The following ZDHHC6 variants were observed in gnomAD, a reference collection of about 807,000 sequenced individuals.
The protein encoded by ZDHHC6 is palmitoyltransferase ZDHHC6.
A neutral mutation model predicts 57.8 loss-of-function variants in ZDHHC6; 32 were observed. That is an observed-to-expected ratio of 0.55 (90% CI 0.42 to 0.74). ZDHHC6 has a LOEUF of 0.74. ZDHHC6 is among the 30% of genes least tolerant of loss of function. The probability of loss-of-function intolerance (pLI) is 0.00; values close to 1 mark genes in which losing one functional copy is unlikely to be tolerated. For missense variants in ZDHHC6, 433 were observed against 500.7 expected, an observed-to-expected ratio of 0.86 and a Z score of 1.29; for synonymous variants, 128 against 158.0, an observed-to-expected ratio of 0.81 and a Z score of 1.42.
Position 112,443,560 on chromosome 10 carries a change from T to C in ZDHHC6, c.314A>G (p.Gln105Arg). ...TMYLQYCKVC[Q>R]AYKAPRSHHC... The stretch of plus-strand genomic sequence containing the variant: ...ATGTGAACGTGGTGCCTTGTATGCT[T>C]GGCAGACTTTACAATACTGGAGATA... Residue 105 changes from glutamine to arginine, a missense_variant, in exon 3 of 11, where the codon CAA becomes CGA. Physicochemically the swap from Gln to Arg is conservative, Grantham distance 43. Transcript: ENST00000369405. 6.2e-7 allele frequency: 1 copy of C among 1,613,916 alleles called. No individual in the cohort carries two copies. The highest frequency in any genetic ancestry group is 8.5e-7 in the Non-Finnish European group (1 of 1,179,882).
chr10:112,433,303 A>T (rs980139677), intron 7 of ZDHHC6, 22 bp from the exon 8 acceptor site: 3 of 1,507,588 alleles, frequency 2.0e-6, no homozygotes, highest in African/African-American at 3.4e-5. Context: ...AAATAAAAAG[A>T]AAAAAATGAA....
At chr10:112,442,778 A>G (rs1846247739) in intron 3 of ZDHHC6, among the ~76,000 whole-genome samples, 3 of 152,208 alleles carry the variant, frequency 2.0e-5, no homozygotes, top group Admixed American at 2.0e-4. Context: ...ATGGGCTCAA[A>G]TAGACACATG....
At chr10:112,438,222 T>G in intron 6 of ZDHHC6, 114 bp downstream of exon 6, 2 of 743,628 alleles carry the variant, frequency 2.7e-6, no homozygotes, top group Non-Finnish European at 3.8e-6. Flanking sequence ...GTTTTCACTT[T>G]TAGGCACTTT....
chr10:112,425,340 T>C (rs1435467418), downstream of ZDHHC6: 1 of 1,611,532 alleles, frequency 6.2e-7, no homozygotes, highest in South Asian at 1.1e-5. Flanking sequence ...TCATGTAGAA[T>C]GGAACTCTGA....
chr10:112,433,284 G>A lies in ZDHHC6; in HGVS notation c.904-3C>T, dbSNP rs765488792. On this transcript the variant is annotated splice_region_variant and splice_polypyrimidine_tract_variant and intron_variant, in intron 7 of 10. Coordinates refer to ENST00000369405, the MANE Select transcript of ZDHHC6 (RefSeq NM_022494.3). ...GCTTTTTGTTTCAACTGTTCTATCT[G>A]TTTGGAAGAAATAAAAAGAAAAAAA... The A allele has an allele frequency of 2.6e-6, 4 of 1,564,084 alleles. No homozygotes were observed. Among genetic ancestry groups the A allele is most frequent in the Non-Finnish European group, 3.5e-6 (4 of 1,158,370 alleles).
At chr10:112,447,320 G>A, upstream of ZDHHC6, 6 of 1,575,502 alleles carry the variant, frequency 3.8e-6, no homozygotes, top group Non-Finnish European at 5.2e-6. Flanking sequence ...GCTGCCCCTC[G>A]AGGCCCTTTC....
chr10:112,447,298 G>T, upstream of ZDHHC6: 2 of 1,511,074 alleles, frequency 1.3e-6, no homozygotes, highest in Middle Eastern at 2.2e-4. Flanking sequence ...TTCCTAAGCC[G>T]CGGGGCCCCT....
In ZDHHC6 at chr10:112,443,516, T is replaced by C. The variant is rs763480590; in HGVS notation, c.358A>G (p.Arg120Gly). 6.2e-7 allele frequency: 1 copy of C among 1,613,678 alleles called. No individual in the cohort carries two copies. The highest frequency in any genetic ancestry group is 1.1e-5 in the South Asian group (1 of 91,020). Residue 120 changes from arginine (R) to glycine (G), a missense_variant and splice_region_variant, in exon 3 of 11, where the codon AGA becomes GGA. By Grantham distance (125) the Arg-to-Gly change is moderately radical. Transcript: ENST00000369405. ...CTGAACAGCAAGAAAGACAGGTACC[T>C]GTTACACTTTCTGCAGTGATGTGAA... is the stretch of plus-strand genomic sequence containing the variant. ...PRSHHCRKCN[R>G]CVMKMDHHCP...
At position 112,432,293 on chromosome 10, in the gene ZDHHC6, T is replaced by A; in HGVS notation, c.1092-7A>T. 2 of 1,607,416 alleles carry A rather than the reference T, an allele frequency of 1.2e-6. No individual in the cohort carries two copies. Among genetic ancestry groups the A allele is most frequent in the Non-Finnish European group, 1.7e-6 (2 of 1,178,260 alleles). Reference sequence around the variant, plus strand: ...GTCTCCATATAACCAGTATCTGAAATATTTAAAAGATGAAAATTAATTTTT... The same window carrying A: ...GTCTCCATATAACCAGTATCTGAAAAATTTAAAAGATGAAAATTAATTTTT... On this transcript the variant is annotated splice_polypyrimidine_tract_variant and splice_region_variant and intron_variant, in intron 9 of 10. Transcript: ENST00000369405.
Position 112,430,434 on chromosome 10 carries a change from T to C in ZDHHC6, c.*370A>G, listed in dbSNP as rs968465806. The C allele has an allele frequency of 2.5e-5, 4 of 157,074 alleles. No homozygotes were observed. Among genetic ancestry groups the C allele is most frequent in the Non-Finnish European group, 5.6e-5 (4 of 71,412 alleles). 9.7% of individuals were successfully genotyped at this position (157,074 alleles called of 1,614,324 possible). On this transcript the variant is annotated 3_prime_UTR_variant, in exon 11 of 11. Transcript: ENST00000369405. ...TATCTAGAATATCATATAAGAAATA[T>C]CAACTGAGGGAAAAGAGAAGTACCA...
intron 6 of ZDHHC6, among the ~76,000 whole-genome samples, chr10:112,437,132 T>C (rs1845619960): frequency 2.0e-5 from 3 of 152,098 alleles, no homozygotes; most frequent in South Asian, 4.2e-4. Flanking sequence ...TTCAAATGTA[T>C]ACTAGAATTA....
chr10:112,431,480 A>G (rs910773012), intron 10 of ZDHHC6, among the ~76,000 whole-genome samples: 1 of 151,830 alleles, frequency 6.6e-6, no homozygotes, highest in African/African-American at 2.4e-5. Context: ...TGCCCGGCTA[A>G]TTTTTGTATT....
chr10:112,443,523 C>G lies in ZDHHC6; in HGVS notation c.351G>C (p.Lys117Asn). The change falls in exon 3 of 11, where the codon AAG (lysine) becomes AAC (asparagine). Residue 117 changes from lysine to asparagine, a missense_variant. Coordinates refer to ENST00000369405, the MANE Select transcript of ZDHHC6 (RefSeq NM_022494.3). ...YKAPRSHHCR[K>N]CNRCVMKMDH... ...GCAAGAAAGACAGGTACCTGTTACACTTTCTGCAGTGATGTGAACGTGGTG... is the reference window on the plus strand; with the variant it reads ...GCAAGAAAGACAGGTACCTGTTACAGTTTCTGCAGTGATGTGAACGTGGTG... 6.2e-7 allele frequency: 1 copy of G among 1,613,806 alleles called. No individual in the cohort carries two copies. Among genetic ancestry groups the G allele is most frequent in the Non-Finnish European group, 8.5e-7 (1 of 1,179,806 alleles).
chr10:112,434,356 G>T lies in ZDHHC6; in HGVS notation c.844C>A (p.Pro282Thr), dbSNP rs1589725705. Reference protein sequence around the residue: ...FKQVFTWSGVPEGDGLEWPVR... With the variant: ...FKQVFTWSGVTEGDGLEWPVR... ...GGCCACTCAAGTCCATCTCCTTCAGGGACCCCTGACCACGTAAATACCTGT... is the reference window on the plus strand; with the variant it reads ...GGCCACTCAAGTCCATCTCCTTCAGTGACCCCTGACCACGTAAATACCTGT... The change falls in exon 7 of 11, where the codon CCT becomes ACT. Residue 282 changes from proline (P) to threonine (T), a missense_variant. By Grantham distance (38) the Pro-to-Thr change is conservative. Coordinates refer to ENST00000369405, the MANE Select transcript of ZDHHC6 (RefSeq NM_022494.3). 2.5e-6 allele frequency: 4 copies of T among 1,613,238 alleles called. No individual in the cohort carries two copies. Among genetic ancestry groups the T allele is most frequent in the African/African-American group, 2.7e-5 (2 of 74,814 alleles).
intron 5 of ZDHHC6, among the ~76,000 whole-genome samples, chr10:112,439,669 A>AAAAG: frequency 9.2e-6 from 1 of 108,562 alleles, no homozygotes; most frequent in Non-Finnish European, 1.8e-5. Context: ...AAAAAAAAAA[A>AAAAG]GAATGAAAAA....
chr10:112,442,868 T>C (rs1384611294), intron 3 of ZDHHC6, among the ~76,000 whole-genome samples: 1 of 151,912 alleles, frequency 6.6e-6, no homozygotes, highest in Non-Finnish European at 1.5e-5. Flanking sequence ...ATATAAGATA[T>C]GGTATAATAA....
intron 1 of ZDHHC6, among the ~76,000 whole-genome samples, chr10:112,445,953 A>T (rs1846628971): frequency 6.6e-6 from 1 of 152,208 alleles, no homozygotes; most frequent in Non-Finnish European, 1.5e-5. Flanking sequence ...GAAGACAAAG[A>T]ATTTTAGGAC....
chr10:112,425,455 AT>A, downstream of ZDHHC6: 1 of 1,613,136 alleles, frequency 6.2e-7, no homozygotes, highest in Admixed American at 1.7e-5. Flanking sequence ...AGTGTTACAA[AT>A]TTTTGTACAC....
At chr10:112,426,711 C>T, downstream of ZDHHC6, 1 of 1,269,424 alleles carries the variant, frequency 7.9e-7, no homozygotes, top group Non-Finnish European at 1.2e-6. Context: ...CTTTGACAGG[C>T]ACTTTGAGTT....
Sources: gnomAD v4.1 joint callset for allele counts (sites outside exome capture counted in the v4.1 genomes callset) on GRCh38, gnomAD v4.1.1 for gene constraint, MANE v1.5 for transcripts, NCBI Gene and HGNC (gene_info 2026-07-23, HGNC 2026-07-21) for gene names.